ECE1: variants seen among roughly 807,000 people sequenced by gnomAD.
ECE1 encodes the protein endothelin converting enzyme 1, also known as endothelin-converting enzyme 1.
ECE1 carries 35 observed loss-of-function variants against 98.6 expected under a neutral mutation model. That is an observed-to-expected ratio of 0.35 (90% confidence interval 0.27 to 0.47). ECE1 has a LOEUF of 0.47. Among genes scored for constraint, ECE1 ranks in the 20% least tolerant of loss-of-function variants. ECE1 has a pLI of 1.00. For synonymous variants in ECE1, 394 were observed against 407.1 expected (o/e 0.97, Z 0.39); for missense variants, 814 against 1,025.3 (o/e 0.79, Z 2.81).
intron 8 of ECE1, among the ~76,000 whole-genome samples, chr1:21,255,648 G>A (rs1269635129): frequency 6.6e-6 from 1 of 152,216 alleles, no homozygotes; most frequent in African/African-American, 2.4e-5. Context: ...CGCTGTCAAT[G>A]TAAGCTGGTG....
In ECE1 at chr1:21,300,307, G is replaced by T. The variant is rs560885448; in HGVS notation, c.4-10151C>A. On this transcript the variant is annotated intron_variant, in intron 1 of 18. Coordinates refer to the ECE1 transcript ENST00000415912. ...TCAGGTGGGTGGCTCTGGGCAGGTCGTGTCCCTCTCTGGGGCCCATTTTCC... is the reference window on the plus strand; with the variant it reads ...TCAGGTGGGTGGCTCTGGGCAGGTCTTGTCCCTCTCTGGGGCCCATTTTCC... 4.6e-5 allele frequency among the ~76,000 whole-genome samples: 7 copies of T among 152,358 alleles called. No individual in the cohort carries two copies. The East Asian group carries it at 1.3e-3, about 29-fold the overall frequency.
At chr1:21,246,080 C>T (rs1354274944) in intron 9 of ECE1, among the ~76,000 whole-genome samples, 2 of 151,982 alleles carry the variant, frequency 1.3e-5, no homozygotes, top group East Asian at 3.9e-4. Context: ...GCCTGGGCAA[C>T]ATAGTGAGAC....
At chr1:21,324,174 G>A (rs776551762) in intron 1 of ECE1, among the ~76,000 whole-genome samples, 22 of 152,004 alleles carry the variant, frequency 1.4e-4, no homozygotes, top group Non-Finnish European at 2.4e-4. Context: ...GCTGGAGTGC[G>A]GCCTTGACCA....
chr1:21,291,325 G>A (rs535323320), upstream of ECE1, among the ~76,000 whole-genome samples: 3 of 152,348 alleles, frequency 2.0e-5, no homozygotes, highest in Non-Finnish European at 2.9e-5. Flanking sequence ...GCATTTATGC[G>A]TACTTTTCAG....
chr1:21,279,118 C>T (rs1233728518), intron 3 of ECE1, 73 bp downstream of exon 3: 5 of 1,611,978 alleles, frequency 3.1e-6, no homozygotes, highest in Non-Finnish European at 2.5e-6. Context: ...AGCAGGGAAG[C>T]CCCCCTCGCC....
chr1:21,269,370 C>T (rs1032486266), intron 4 of ECE1, among the ~76,000 whole-genome samples: 1 of 152,206 alleles, frequency 6.6e-6, no homozygotes, highest in African/African-American at 2.4e-5. Flanking sequence ...CTGTATTCTG[C>T]ACCTCCTTCC....
chr1:21,287,587 G>C (rs1224525122), intron 2 of ECE1, among the ~76,000 whole-genome samples: 2 of 152,138 alleles, frequency 1.3e-5, no homozygotes, highest in African/African-American at 4.8e-5. Flanking sequence ...CTAGCAACCG[G>C]CCCAAAGGTA....
intron 1 of ECE1, among the ~76,000 whole-genome samples, chr1:21,296,561 A>G (rs1638360943): frequency 6.6e-6 from 1 of 152,130 alleles, no homozygotes; most frequent in African/African-American, 2.4e-5. Flanking sequence ...GTAAAACAAA[A>G]CAAAACAGAG....
Position 21,217,907 on chromosome 1 carries a change from CAGG to C in ECE1, c.*2045_*2047del, listed in dbSNP as rs1391824475. ...CCTGTGCCGTCTGCTTCCTCTCGGG[CAGG>C]AGGATTCCAGCTTCCCGGGTGAGGG... On this transcript the variant is annotated 3_prime_UTR_variant, in exon 19 of 19. Coordinates refer to ENST00000374893, the MANE Select transcript of ECE1 (RefSeq NM_001397.3). 3 of 152,564 alleles carry C rather than the reference CAGG, an allele frequency of 2.0e-5. No individual in the cohort carries two copies. Among genetic ancestry groups the C allele is most frequent in the African/African-American group, 7.2e-5 (3 of 41,460 alleles). 9.5% of individuals were successfully genotyped at this position (152,564 alleles called of 1,614,324 possible). A position where few individuals can be genotyped will look rare whatever the true frequency, so the allele number is the denominator to read the frequency against.
chr1:21,241,721 G>A (rs551583210), intron 10 of ECE1, among the ~76,000 whole-genome samples: 4 of 152,258 alleles, frequency 2.6e-5, no homozygotes, highest in South Asian at 2.1e-4. Flanking sequence ...CACCGCACCC[G>A]GCCTGAGGTG....
chr1:21,241,311 T>C (rs1277723976), intron 10 of ECE1, among the ~76,000 whole-genome samples: 6 of 152,032 alleles, frequency 3.9e-5, no homozygotes, highest in African/African-American at 1.4e-4. Flanking sequence ...GCTAGGATTA[T>C]AGGTGTGAGC....
chr1:21,271,381 C>G (rs1029627017), intron 4 of ECE1, among the ~76,000 whole-genome samples: 1 of 152,228 alleles, frequency 6.6e-6, no homozygotes, highest in African/African-American at 2.4e-5. Flanking sequence ...CATTTCCTGT[C>G]TCTTAAGATT....
At chr1:21,266,160 C>T (rs556761545) in intron 4 of ECE1, 1 of 152,284 alleles carries the variant, frequency 6.6e-6, no homozygotes, top group South Asian at 2.1e-4. Context: ...TCTGGGAATC[C>T]CCCGTATGCT....
intron 4 of ECE1, among the ~76,000 whole-genome samples, chr1:21,267,708 A>G (rs1014644446): frequency 6.6e-6 from 1 of 152,228 alleles, no homozygotes; most frequent in African/African-American, 2.4e-5. Context: ...CCCAAACAGG[A>G]AGGCAGCACC....
chr1:21,288,523 T>A (rs998229386), intron 2 of ECE1, among the ~76,000 whole-genome samples: 6 of 152,236 alleles, frequency 3.9e-5, no homozygotes, highest in African/African-American at 1.4e-4. Context: ...AGAAATGTGC[T>A]ATTTCATCTG....
chr1:21,273,565 G>C (rs2098243050), intron 3 of ECE1, among the ~76,000 whole-genome samples: 1 of 152,156 alleles, frequency 6.6e-6, no homozygotes, highest in Non-Finnish European at 1.5e-5. Flanking sequence ...ATGGATGACA[G>C]GACATAGGAA....
At chr1:21,295,643 A>G (rs1279936113) in intron 1 of ECE1, among the ~76,000 whole-genome samples, 3 of 152,202 alleles carry the variant, frequency 2.0e-5, no homozygotes, top group Non-Finnish European at 4.4e-5. Context: ...AAACTCGCCT[A>G]TGGGCACTTT....
chr1:21,254,895 G>A (rs530553838), intron 8 of ECE1, among the ~76,000 whole-genome samples: 1 of 152,274 alleles, frequency 6.6e-6, no homozygotes, highest in African/African-American at 2.4e-5. Flanking sequence ...ATCTCCGCCT[G>A]GGACACCCAG....
intron 1 of ECE1, among the ~76,000 whole-genome samples, chr1:21,343,920 G>A (rs1639448700): frequency 6.6e-6 from 1 of 152,134 alleles, no homozygotes; most frequent in Non-Finnish European, 1.5e-5. Context: ...GCCTTTTGGT[G>A]CCCATACACT....
Sources: gnomAD v4.1 joint callset for allele counts (sites outside exome capture counted in the v4.1 genomes callset) on GRCh38, gnomAD v4.1.1 for gene constraint, MANE v1.5 for transcripts, NCBI Gene and HGNC (gene_info 2026-07-23, HGNC 2026-07-21) for gene names.